Variants in VPS13C observed in about 807,000 individuals in gnomAD.
VPS13C encodes vacuolar protein sorting 13 homolog C, also known as intermembrane lipid transfer protein VPS13C.
In VPS13C, 358 loss-of-function variants were observed where a neutral mutation model predicts 456.8. The observed-to-expected ratio is 0.78, with a 90% confidence interval of 0.72 to 0.86. The LOEUF is 0.86. Among genes scored for constraint, VPS13C ranks in the 40% least tolerant of loss-of-function variants. The pLI, the probability that VPS13C is intolerant of heterozygous loss-of-function variation, is 0.00. For synonymous variants in VPS13C, 1,578 were observed against 1,486.7 expected (o/e 1.06, Z -1.41); for missense variants, 4,818 against 4,385.4 (o/e 1.10, Z -2.79).
chr15:61,883,831 T>C (rs1375336926), intron 68 of VPS13C, among the ~76,000 whole-genome samples: 1 of 151,892 alleles, frequency 6.6e-6, no homozygotes, highest in Non-Finnish European at 1.5e-5. Flanking sequence ...GGAAACAAGT[T>C]CCATAAGACT....
At chr15:62,057,433 T>C (rs2140817787) in intron 1 of VPS13C, among the ~76,000 whole-genome samples, 1 of 152,328 alleles carries the variant, frequency 6.6e-6, no homozygotes, top group African/African-American at 2.4e-5. Flanking sequence ...TCAACTCAGA[T>C]ATCTTGCCTT....
chr15:62,037,306 ATATAAATATATTATATATT>A (rs1567136900), intron 3 of VPS13C, among the ~76,000 whole-genome samples: 9 of 82,176 alleles, frequency 1.1e-4, no homozygotes, highest in African/African-American at 4.4e-4. Flanking sequence ...TATAATATAT[ATATAAATATATTATATATT>A]ATATACATTT....
intron 16 of VPS13C, among the ~76,000 whole-genome samples, chr15:61,997,364 C>G (rs2140443438): frequency 1.3e-5 from 2 of 152,228 alleles, no homozygotes; most frequent in East Asian, 3.9e-4. Context: ...CTCCTCTTCT[C>G]TAGCTATTCT....
chr15:61,880,790 C>T (rs532713690), intron 72 of VPS13C, 53 bp downstream of exon 72: 8 of 1,548,172 alleles, frequency 5.2e-6, no homozygotes, highest in South Asian at 4.9e-5. Flanking sequence ...TCAAAAGAGG[C>T]TGATTTAAAT....
At chr15:61,993,096 T>C (rs1456998802) in intron 16 of VPS13C, among the ~76,000 whole-genome samples, 1 of 152,152 alleles carries the variant, frequency 6.6e-6, no homozygotes, top group Admixed American at 6.5e-5. Flanking sequence ...TATGAATTCT[T>C]TTAGGGAAAA....
intron 81 of VPS13C, among the ~76,000 whole-genome samples, chr15:61,868,390 G>A (rs1415188764): frequency 6.6e-6 from 1 of 152,002 alleles, no homozygotes; most frequent in Non-Finnish European, 1.5e-5. Flanking sequence ...AACTAAATGA[G>A]CTATCACAGA....
intron 47 of VPS13C, among the ~76,000 whole-genome samples, chr15:61,938,622 C>T (rs556240751): frequency 6.6e-5 from 10 of 152,254 alleles, no homozygotes; most frequent in African/African-American, 2.4e-4. Flanking sequence ...GCTAAAGTAT[C>T]AGATGTTACT....
In VPS13C at chr15:61,961,293, G is replaced by A. The variant is rs372548020; in HGVS notation, c.3908+296C>T. On this transcript the variant is annotated intron_variant, in intron 35 of 84. Coordinates refer to ENST00000644861, the MANE Select transcript of VPS13C (RefSeq NM_020821.3). ...TATAGTCCCAGCTACTCGGGAGGCT[G>A]AGGCAGGAGGATTGCTTGAACCCAG... is the stretch of plus-strand genomic sequence containing the variant. Among the ~76,000 whole-genome samples, 6 of 151,728 alleles carry A rather than the reference G, an allele frequency of 4.0e-5. No individual in the cohort carries two copies. The East Asian group carries it at 9.7e-4, about 24-fold the overall frequency.
chr15:61,953,402 A>G (rs1202345987), intron 38 of VPS13C, among the ~76,000 whole-genome samples: 2 of 91,350 alleles, frequency 2.2e-5, no homozygotes, highest in African/African-American at 4.5e-5. Context: ...CCCCGACCCC[A>G]TAACAGTCCC....
intron 37 of VPS13C, among the ~76,000 whole-genome samples, chr15:61,955,439 TTG>T (rs2044955668): frequency 6.6e-6 from 1 of 152,128 alleles, no homozygotes; most frequent in African/African-American, 2.4e-5. Flanking sequence ...ATTATTGCGG[TTG>T]ACATTATCTT....
chr15:62,035,849 C>T (rs1289778550), intron 3 of VPS13C, among the ~76,000 whole-genome samples: 1 of 151,990 alleles, frequency 6.6e-6, no homozygotes, highest in Admixed American at 6.6e-5. Flanking sequence ...CACAGATGAA[C>T]TATGGCCCTA....
intron 12 of VPS13C, among the ~76,000 whole-genome samples, chr15:62,011,868 T>C (rs1469040947): frequency 6.6e-6 from 1 of 151,982 alleles, no homozygotes; most frequent in East Asian, 1.9e-4. Context: ...TCAAAGAAAG[T>C]TGGCTGTAGG....
Position 61,878,753 on chromosome 15 carries a change from G to A in VPS13C, c.10003-7C>T. On this transcript the variant is annotated splice_polypyrimidine_tract_variant and splice_region_variant and intron_variant, in intron 73 of 84. Coordinates refer to ENST00000644861, the MANE Select transcript of VPS13C (RefSeq NM_020821.3). Reference sequence around the variant, plus strand: ...AAGACAAACTCAAATGCAACTAAAAGAAAAATAATGTTCAATAAATGAAAG... The same window carrying A: ...AAGACAAACTCAAATGCAACTAAAAAAAAAATAATGTTCAATAAATGAAAG... 1.3e-6 allele frequency: 2 copies of A among 1,597,118 alleles called. No individual in the cohort carries two copies. The highest frequency in any genetic ancestry group is 3.5e-5 in the Admixed American group (2 of 56,832).
Position 61,922,736 on chromosome 15 carries a change from C to T in VPS13C, c.6636G>A (p.Val2212=). The T allele has an allele frequency of 6.2e-7, 1 of 1,606,778 alleles. No homozygotes were observed. Among genetic ancestry groups the T allele is most frequent in the Non-Finnish European group, 8.5e-7 (1 of 1,177,804 alleles). Reference sequence around the variant, plus strand: ...GAGACAATGCAGCCATGATTGTCAACACAGTATTAAGAATTATGGGTGAAA... The same window carrying T: ...GAGACAATGCAGCCATGATTGTCAATACAGTATTAAGAATTATGGGTGAAA... The part of the protein sequence containing the change: ...IKISPIILNT[V]LTIMAALSPK... The change falls in exon 54 of 85, where the codon GTG becomes GTA. Residue 2212 remains valine (V), a synonymous_variant. Transcript: ENST00000644861.
intron 1 of VPS13C, among the ~76,000 whole-genome samples, chr15:62,053,012 T>C (rs2048676441): frequency 6.6e-6 from 1 of 152,224 alleles, no homozygotes; most frequent in Admixed American, 6.5e-5. Flanking sequence ...TTCTCAGTTT[T>C]AGTTCTAGAA....
chr15:61,907,272 G>T lies in VPS13C; in HGVS notation c.9097C>A (p.Leu3033Met). 6.2e-7 allele frequency: 1 copy of T among 1,613,810 alleles called. No homozygotes were observed. The highest frequency in any genetic ancestry group is 8.5e-7 in the Non-Finnish European group (1 of 1,179,754). The change falls in exon 66 of 85, where the codon CTG becomes ATG. Residue 3033 changes from leucine to methionine, a missense_variant. Coordinates refer to ENST00000644861, the MANE Select transcript of VPS13C (RefSeq NM_020821.3). ...TTCACATCAAAAGATACCTTTAACA[G>T]ATCATGTTCCCCAACATTTGCTGCA... is the stretch of plus-strand genomic sequence containing the variant. ...TYAANVGEHD[L>M]LKDGCGQFPY...
intron 4 of VPS13C, among the ~76,000 whole-genome samples, chr15:62,033,796 G>A (rs2047897145): frequency 1.3e-5 from 2 of 151,530 alleles, no homozygotes; most frequent in South Asian, 2.1e-4. Flanking sequence ...GGAGACAGGA[G>A]GAGGGTGAGA....
At position 61,858,762 on chromosome 15, in the gene VPS13C, T is replaced by C. The variant is rs1894066263; in HGVS notation, c.10953-2353A>G. 6.6e-6 allele frequency among the ~76,000 whole-genome samples: 1 copy of C among 152,166 alleles called. No individual in the cohort carries two copies. The highest frequency in any genetic ancestry group is 2.4e-5 in the African/African-American group (1 of 41,438). On this transcript the variant is annotated intron_variant, in intron 82 of 84. Coordinates refer to ENST00000644861, the MANE Select transcript of VPS13C (RefSeq NM_020821.3). The surrounding 1 kb of genome is among the most constrained non-coding windows in gnomAD (Gnocchi z 4.4). ...TGGAATAAGGGTAGCTTCTAGGAGC[T>C]AAGAGCAGCTCGCTGGCTGACAGAG...
Position 61,925,556 on chromosome 15 carries a change from CA to C in VPS13C, c.6517-9del. 1 of 1,565,882 alleles carries C rather than the reference CA, an allele frequency of 6.4e-7. No individual in the cohort carries two copies. The highest frequency in any genetic ancestry group is 1.2e-5 in the South Asian group (1 of 83,090). ...AGAACAGGGCTGCAAGACCTATAAA[CA>C]GATAAATGAAATTCACATTTCCATA... On this transcript the variant is annotated splice_polypyrimidine_tract_variant and intron_variant, in intron 52 of 84. Transcript: ENST00000644861.
Sources: allele counts gnomAD v4.1 joint callset (sites outside exome capture counted in the v4.1 genomes callset), GRCh38; gene constraint gnomAD v4.1.1; non-coding constraint Gnocchi (gnomAD v3.1); transcripts MANE v1.5; gene names NCBI Gene and HGNC (gene_info 2026-07-23, HGNC 2026-07-21).